Variants in LUC7L2 observed in about 807,000 individuals in gnomAD.
The protein encoded by LUC7L2 is LUC7 like 2, pre-mRNA splicing factor.
Under a neutral mutation model 52.8 loss-of-function variants are expected in LUC7L2, and 25 were observed. The observed-to-expected ratio is 0.47, with a 90% CI of 0.34 to 0.66. The LOEUF is 0.66. Among genes scored for constraint, LUC7L2 ranks in the 30% least tolerant of loss-of-function variants. The pLI, the probability that LUC7L2 is intolerant of heterozygous loss-of-function variation, is 0.01. For synonymous variants in LUC7L2, 144 were observed against 160.9 expected (o/e 0.89, Z 0.80); for missense variants, 328 against 497.8 (o/e 0.66, Z 3.25).
intron 9 of LUC7L2, among the ~76,000 whole-genome samples, chr7:139,419,233 A>G (rs1795776642): frequency 6.6e-6 from 1 of 152,256 alleles, no homozygotes; most frequent in African/African-American, 2.4e-5. Context: ...TAAAGTGCTA[A>G]ACTGCATATC....
chr7:139,344,061 CCT>C (rs1488572802), intron 1 of LUC7L2, among the ~76,000 whole-genome samples: 1 of 152,112 alleles, frequency 6.6e-6, no homozygotes, highest in Non-Finnish European at 1.5e-5. Context: ...CTTTCCTGCC[CCT>C]TTCTCACAGC....
At chr7:139,392,768 T>C in intron 2 of LUC7L2, 1 of 156,298 alleles carries the variant, frequency 6.4e-6, no homozygotes. Context: ...CTATTCTGCC[T>C]CAGCCTCCCG....
At chr7:139,421,318 T>C (rs1795894610) in intron 9 of LUC7L2, among the ~76,000 whole-genome samples, 1 of 152,250 alleles carries the variant, frequency 6.6e-6, no homozygotes, top group Non-Finnish European at 1.5e-5. Context: ...GTAAAAGTGC[T>C]GTGTCACCTG....
upstream of LUC7L2, among the ~76,000 whole-genome samples, chr7:139,356,569 G>A (rs898228238): frequency 5.3e-5 from 8 of 150,232 alleles, no homozygotes; most frequent in African/African-American, 1.7e-4. Flanking sequence ...ATCACTTAAG[G>A]TCAGGAGTTT....
At position 139,407,399 on chromosome 7, in the gene LUC7L2, G is replaced by A. The variant is rs558445925; in HGVS notation, c.687+49G>A. ...CTTTATCCTCTTGTTCTTTTGATCT[G>A]TATCAGTTGCCTTTTTGTACAATAT... On this transcript the variant is annotated intron_variant, in intron 6 of 9. Coordinates refer to ENST00000354926, the MANE Select transcript of LUC7L2 (RefSeq NM_016019.5). 194 of 1,544,274 alleles carry A rather than the reference G, an allele frequency of 1.3e-4. 4 individuals carry two copies. In the Admixed American group the frequency reaches 3.9e-3, roughly 31 times the overall value.
At chr7:139,365,362 C>T (rs1800101476) in intron 1 of LUC7L2, among the ~76,000 whole-genome samples, 1 of 152,102 alleles carries the variant, frequency 6.6e-6, no homozygotes, top group African/African-American at 2.4e-5. Context: ...ATCATTTTGT[C>T]TATTTCTGCA....
At chr7:139,357,919 C>G (rs1464629887), upstream of LUC7L2, among the ~76,000 whole-genome samples, 1 of 151,544 alleles carries the variant, frequency 6.6e-6, no homozygotes, top group Middle Eastern at 3.4e-3. Context: ...CTCAAACTCC[C>G]GACCTCGTGA....
In LUC7L2 at chr7:139,415,054, GTTT is replaced by G. The variant is rs1171809951; in HGVS notation, c.810-2457_810-2455del. ...GGCACGTGCCACCATGCCCTGCTAA[GTTT>G]TTTTTTTTTTTTTTTTTTTTTTTTT... On this transcript the variant is annotated intron_variant, in intron 8 of 9. Transcript: ENST00000354926. Among the ~76,000 whole-genome samples the G allele has an allele frequency of 1.0e-3, 54 of 54,186 alleles. 1 individual carries two copies. Among genetic ancestry groups the G allele is most frequent in the African/African-American group, 5.8e-3 (45 of 7,738 alleles). 35.5% of individuals were successfully genotyped at this position (54,186 alleles called of 152,430 possible). A position where few individuals can be genotyped will look rare whatever the true frequency, so the allele number is the denominator to read the frequency against.
Position 139,367,985 on chromosome 7 carries a change from C to T in LUC7L2, c.61+7663C>T, listed in dbSNP as rs1280257293. 4.6e-5 allele frequency among the ~76,000 whole-genome samples: 7 copies of T among 152,096 alleles called. No homozygotes were observed. In the East Asian group the frequency reaches 5.8e-4, roughly 13 times the overall value. On this transcript the variant is annotated intron_variant, in intron 1 of 9. Coordinates refer to ENST00000354926, the MANE Select transcript of LUC7L2 (RefSeq NM_016019.5). ...GCCTGCATTATGGACGGGAGCAGAG[C>T]GGCAGGGCATGTTGCTAGGACTAAG...
At chr7:139,379,133 G>T (rs1014454298) in intron 2 of LUC7L2, among the ~76,000 whole-genome samples, 1 of 152,194 alleles carries the variant, frequency 6.6e-6, no homozygotes, top group Admixed American at 6.5e-5. Flanking sequence ...GGAATTACAG[G>T]TGTGATTAGG....
At chr7:139,414,129 G>A (rs1268947247) in intron 8 of LUC7L2, among the ~76,000 whole-genome samples, 1 of 152,084 alleles carries the variant, frequency 6.6e-6, no homozygotes, top group African/African-American at 2.4e-5. Context: ...CTCTGTGCTT[G>A]CCCACCCCCC....
intron 1 of LUC7L2, chr7:139,374,588 A>G: frequency 6.6e-7 from 1 of 1,523,714 alleles, no homozygotes; most frequent in Non-Finnish European, 8.8e-7. Flanking sequence ...GTAAACACTA[A>G]ACTGAATATT....
At chr7:139,400,623 G>T (rs1425757877) in intron 3 of LUC7L2, among the ~76,000 whole-genome samples, 13 of 152,100 alleles carry the variant, frequency 8.5e-5, no homozygotes, top group Admixed American at 8.5e-4. Context: ...TCATTTTATA[G>T]ACTTTTAAGT....
Position 139,402,203 on chromosome 7 carries a change from T to C in LUC7L2, c.322T>C (p.Leu108=), listed in dbSNP as rs1794945208. Residue 108 remains leucine (L), a synonymous_variant, in exon 4 of 10, where the codon TTA becomes CTA. Transcript: ENST00000354926. ...DRRTEVAKKR[L]AETQEEISAE... ...TAGAACAGAAGTGGCCAAGAAAAGATTAGCAGAAACTCAAGAAGAGATTAG... is the reference window on the plus strand; with the variant it reads ...TAGAACAGAAGTGGCCAAGAAAAGACTAGCAGAAACTCAAGAAGAGATTAG... The C allele has an allele frequency of 6.2e-7, 1 of 1,610,644 alleles. No individual in the cohort carries two copies. The highest frequency in any genetic ancestry group is 1.7e-4 in the Middle Eastern group (1 of 6,054).
intron 1 of LUC7L2, among the ~76,000 whole-genome samples, chr7:139,352,377 C>G (rs1799484978): frequency 6.6e-6 from 1 of 152,136 alleles, no homozygotes; most frequent in Non-Finnish European, 1.5e-5. Flanking sequence ...TGCCTGTAAT[C>G]CTAGCTGCTC....
upstream of LUC7L2, among the ~76,000 whole-genome samples, chr7:139,358,685 T>G (rs891531401): frequency 6.6e-6 from 1 of 152,334 alleles, no homozygotes; most frequent in African/African-American, 2.4e-5. Flanking sequence ...ACCTATGTCT[T>G]ACTTAAGGAA....
intron 1 of LUC7L2, among the ~76,000 whole-genome samples, chr7:139,370,572 C>T (rs1013963904): frequency 6.6e-6 from 1 of 152,124 alleles, no homozygotes; most frequent in African/African-American, 2.4e-5. Context: ...ATTCTCCCAC[C>T]CCAGCCTCTG....
At chr7:139,358,583 G>A (rs1563253926), upstream of LUC7L2, among the ~76,000 whole-genome samples, 1 of 152,132 alleles carries the variant, frequency 6.6e-6, no homozygotes, top group African/African-American at 2.4e-5. Flanking sequence ...TCTAGAAAGT[G>A]CCTGTCTTCT....
intron 2 of LUC7L2, among the ~76,000 whole-genome samples, chr7:139,385,644 GA>G (rs1794163944): frequency 6.6e-6 from 1 of 152,164 alleles, no homozygotes; most frequent in Non-Finnish European, 1.5e-5. Flanking sequence ...TGAAATTAAA[GA>G]AAGTAGTAAA....
Sources: gnomAD v4.1 joint callset for allele counts (sites outside exome capture counted in the v4.1 genomes callset) on GRCh38, gnomAD v4.1.1 for gene constraint, MANE v1.5 for transcripts, NCBI Gene and HGNC (gene_info 2026-07-23, HGNC 2026-07-21) for gene names.